ZNF385B: variants seen among roughly 807,000 people sequenced by gnomAD.
The protein encoded by ZNF385B is zinc finger protein 533.
In ZNF385B, 23 loss-of-function variants were observed where a neutral mutation model predicts 39.2. The observed-to-expected ratio is 0.59, with a 90% confidence interval of 0.42 to 0.83. ZNF385B has a LOEUF of 0.83. ZNF385B is among the 40% of genes least tolerant of loss of function. ZNF385B has a pLI of 0.00. For missense variants in ZNF385B, 552 were observed against 598.9 expected (o/e 0.92, Z 0.82); for synonymous variants, 205 against 222.6 (o/e 0.92, Z 0.70).
At chr2:179,510,560 G>A (rs2057598854) in intron 5 of ZNF385B, among the ~76,000 whole-genome samples, 1 of 152,008 alleles carries the variant, frequency 6.6e-6, no homozygotes, top group South Asian at 2.1e-4. Flanking sequence ...TTTTTAAATA[G>A]TATGTTGGTT....
In ZNF385B at chr2:179,446,454, A is replaced by G. The variant is rs142511933; in HGVS notation, c.961+71T>C. Reference sequence around the variant, plus strand: ...AAACCTAAGGTCTGAACAACAAAAGATATGGTATTCTGATGGGAAAAGTTG... The same window carrying G: ...AAACCTAAGGTCTGAACAACAAAAGGTATGGTATTCTGATGGGAAAAGTTG... On this transcript the variant is annotated intron_variant, in intron 7 of 9. Transcript: ENST00000410066. 6.4e-5 allele frequency: 99 copies of G among 1,538,294 alleles called. No individual in the cohort carries two copies. In the Middle Eastern group the frequency reaches 2.9e-3, roughly 46 times the overall value.
chr2:179,857,221 A>G (rs186680361), intron 1 of ZNF385B, among the ~76,000 whole-genome samples: 13 of 152,338 alleles, frequency 8.5e-5, no homozygotes, highest in Non-Finnish European at 1.3e-4. Context: ...GTAAAATTCA[A>G]TCCAACTAGT....
chr2:179,804,660 G>A (rs1443373240), intron 1 of ZNF385B, among the ~76,000 whole-genome samples: 1 of 152,176 alleles, frequency 6.6e-6, no homozygotes, highest in Non-Finnish European at 1.5e-5. Flanking sequence ...TTGTTATGAG[G>A]ATAAAAGAAA....
At chr2:179,697,619 C>T (rs1559102350) in intron 3 of ZNF385B, among the ~76,000 whole-genome samples, 1 of 152,114 alleles carries the variant, frequency 6.6e-6, no homozygotes, top group South Asian at 2.1e-4. Flanking sequence ...CTCCACAGTC[C>T]AACTGGAGAT....
chr2:179,837,096 T>C (rs965667396), intron 1 of ZNF385B, among the ~76,000 whole-genome samples: 7 of 152,198 alleles, frequency 4.6e-5, no homozygotes, highest in Non-Finnish European at 1.0e-4. Context: ...GCTGAGCATA[T>C]AATTTTTAAT....
intron 3 of ZNF385B, among the ~76,000 whole-genome samples, chr2:179,687,643 T>C (rs1158164087): frequency 1.3e-5 from 2 of 152,170 alleles, no homozygotes; most frequent in South Asian, 2.1e-4. Flanking sequence ...CATGGGAACA[T>C]TGAGCAGTGA....
chr2:179,518,539 A>T lies in ZNF385B; in HGVS notation c.541T>A (p.Phe181Ile), dbSNP rs945975864. 1 of 1,602,316 alleles carries T rather than the reference A, an allele frequency of 6.2e-7. No individual in the cohort carries two copies. Among genetic ancestry groups the T allele is most frequent in the African/African-American group, 1.3e-5 (1 of 74,098 alleles). ...VISCNVCQLR[F>I]NSDSQAEAHY... ...AAGGTGATACTCACATCTGAGTTAA[A>T]GCGAAGCTGACAGACATTACAAGAA... The change falls in exon 5 of 10, where the codon TTT (phenylalanine) becomes ATT (isoleucine). Residue 181 changes from phenylalanine (F) to isoleucine (I), a missense_variant. Physicochemically the swap from Phe to Ile is conservative, Grantham distance 21. Transcript: ENST00000410066.
At chr2:179,507,204 G>A (rs2057314162) in intron 5 of ZNF385B, among the ~76,000 whole-genome samples, 1 of 152,090 alleles carries the variant, frequency 6.6e-6, no homozygotes, top group African/African-American at 2.4e-5. Flanking sequence ...CTGTGAGAAG[G>A]GAAGATTCAG....
At chr2:179,658,527 A>C (rs958150592) in intron 3 of ZNF385B, among the ~76,000 whole-genome samples, 1 of 152,136 alleles carries the variant, frequency 6.6e-6, no homozygotes, top group Non-Finnish European at 1.5e-5. Context: ...CACGATGAAA[A>C]CCTGGGTCTC....
At chr2:179,611,758 G>A (rs977559376) in intron 3 of ZNF385B, among the ~76,000 whole-genome samples, 4 of 152,118 alleles carry the variant, frequency 2.6e-5, no homozygotes, top group Non-Finnish European at 2.9e-5. Flanking sequence ...ATCTTGGTAG[G>A]TTGTATGTGT....
At chr2:179,468,540 A>C (rs1559280205) in intron 6 of ZNF385B, among the ~76,000 whole-genome samples, 1 of 151,952 alleles carries the variant, frequency 6.6e-6, no homozygotes, top group African/African-American at 2.4e-5. Flanking sequence ...TTAAAAACTA[A>C]TTTTCTAGGT....
chr2:179,702,964 T>C (rs148180565), intron 3 of ZNF385B, among the ~76,000 whole-genome samples: 47 of 152,338 alleles, frequency 3.1e-4, no homozygotes, highest in African/African-American at 1.0e-3. Context: ...ACTGCCACCA[T>C]CTTGGTTCTG....
At chr2:179,746,042 T>A in intron 3 of ZNF385B, 1 of 1,077,062 alleles carries the variant, frequency 9.3e-7, no homozygotes, top group Non-Finnish European at 1.1e-6. Flanking sequence ...CCAGAAGCAC[T>A]GTCAATGTAC....
At position 179,446,566 on chromosome 2, in the gene ZNF385B, A is replaced by G; in HGVS notation, c.920T>C (p.Val307Ala). The G allele has an allele frequency of 1.2e-6, 2 of 1,614,140 alleles. No individual in the cohort carries two copies. The highest frequency in any genetic ancestry group is 1.7e-6 in the Non-Finnish European group (2 of 1,179,988). Reference sequence around the variant, plus strand: ...TAGCTGTGACAGGGAGTTCACAGCCACTTTGCATAGTGAACAATAAAGTAA... The same window carrying G: ...TAGCTGTGACAGGGAGTTCACAGCCGCTTTGCATAGTGAACAATAAAGTAA... The part of the protein sequence containing the change: ...KKLLYCSLCK[V>A]AVNSLSQLEA... Residue 307 changes from valine to alanine, a missense_variant, in exon 7 of 10, where the codon GTG becomes GCG. By Grantham distance (64) the Val-to-Ala change is moderately conservative (BLOSUM62 0). Coordinates refer to ENST00000410066, the MANE Select transcript of ZNF385B (RefSeq NM_152520.6).
At chr2:179,503,073 C>A (rs749281588) in intron 5 of ZNF385B, among the ~76,000 whole-genome samples, 1 of 152,054 alleles carries the variant, frequency 6.6e-6, no homozygotes, top group Non-Finnish European at 1.5e-5. Context: ...TGGGGTTTTA[C>A]CATGTTGCCT....
chr2:179,511,027 C>T (rs927076049), intron 5 of ZNF385B, among the ~76,000 whole-genome samples: 2 of 152,192 alleles, frequency 1.3e-5, no homozygotes, highest in Non-Finnish European at 2.9e-5. Flanking sequence ...TTTGCTTTTG[C>T]TGCAAGGGAC....
intron 3 of ZNF385B, among the ~76,000 whole-genome samples, chr2:179,680,691 T>C (rs1697437264): frequency 6.6e-6 from 1 of 152,188 alleles, no homozygotes; most frequent in African/African-American, 2.4e-5. Context: ...TTTCCTTCAA[T>C]TTCCTCTCAC....
intron 3 of ZNF385B, among the ~76,000 whole-genome samples, chr2:179,687,544 A>C (rs1698017743): frequency 6.6e-6 from 1 of 152,150 alleles, no homozygotes. Context: ...CCCCAACCCC[A>C]GTGAATTATC....
chr2:179,625,997 A>C (rs1031789657), intron 3 of ZNF385B, among the ~76,000 whole-genome samples: 1 of 152,046 alleles, frequency 6.6e-6, no homozygotes, highest in African/African-American at 2.4e-5. Flanking sequence ...GGATGTATAG[A>C]TCACAAAATG....
Sources: gnomAD v4.1 joint callset for allele counts (sites outside exome capture counted in the v4.1 genomes callset) on GRCh38, gnomAD v4.1.1 for gene constraint, MANE v1.5 for transcripts, NCBI Gene and HGNC (gene_info 2026-07-23, HGNC 2026-07-21) for gene names.